The following NHSL3 variants were observed in gnomAD, a reference collection of about 807,000 sequenced individuals.
NHSL3 encodes NHS-like protein 3.
the NHSL3 span, among the ~76,000 whole-genome samples, chr1:32,755,717 A>G: frequency 6.6e-6 from 1 of 152,202 alleles, no homozygotes; most frequent in Admixed American, 6.5e-5. Context: ...CAAAATGACA[A>G]TAAGAAAAGG....
chr1:32,746,234 A>AG, the NHSL3 span, among the ~76,000 whole-genome samples: 1 of 78,112 alleles, frequency 1.3e-5, no homozygotes, highest in Non-Finnish European at 2.5e-5. Context: ...CCAGCTCAAA[A>AG]AAAAAAAAAA....
chr1:32,744,696 T>C, the NHSL3 span, among the ~76,000 whole-genome samples: 1 of 152,188 alleles, frequency 6.6e-6, no homozygotes, highest in South Asian at 2.1e-4. Context: ...TGATGTAGGA[T>C]GAGCAACTTC....
At chr1:32,768,322 G>A in the NHSL3 span, among the ~76,000 whole-genome samples, 1 of 152,138 alleles carries the variant, frequency 6.6e-6, no homozygotes, top group African/African-American at 2.4e-5. Flanking sequence ...GGCTGGGCGA[G>A]GTGGCTTACA....
At chr1:32,760,588 G>GTT in the NHSL3 span, among the ~76,000 whole-genome samples, 28 of 138,712 alleles carry the variant, frequency 2.0e-4, no homozygotes, top group South Asian at 1.6e-3. Context: ...GTGTGTGTGT[G>GTT]TTTTTTTTTT....
chr1:32,773,143 T>C, the NHSL3 span: 1 of 550,316 alleles, frequency 1.8e-6, no homozygotes. Flanking sequence ...AGCCTCATCT[T>C]GAAGTGGGTA....
At chr1:32,770,350 C>G in the NHSL3 span, 2 of 1,610,900 alleles carry the variant, frequency 1.2e-6, no homozygotes, top group African/African-American at 1.3e-5. The surrounding 1 kb of genome is among the most constrained non-coding windows in gnomAD (Gnocchi z 8.3). Context: ...AGCCTCAGTC[C>G]GCTCGCTGGG....
At chr1:32,748,862 T>C in the NHSL3 span, among the ~76,000 whole-genome samples, 1 of 151,848 alleles carries the variant, frequency 6.6e-6, no homozygotes, top group Non-Finnish European at 1.5e-5. Context: ...AAATAAAGAG[T>C]GTGACAGGGT....
the NHSL3 span, chr1:32,765,608 T>G: frequency 1.3e-6 from 2 of 1,511,704 alleles, no homozygotes; most frequent in East Asian, 2.5e-5. Context: ...GAGGAGGACA[T>G]GGAGAGCAGC....
the NHSL3 span, among the ~76,000 whole-genome samples, chr1:32,745,474 C>T: frequency 1.2e-4 from 18 of 150,104 alleles, no homozygotes; most frequent in Non-Finnish European, 2.7e-4. Flanking sequence ...AGGAGAATCG[C>T]TTGAACCCGG....
chr1:32,743,003 G>A, the NHSL3 span, among the ~76,000 whole-genome samples: 1 of 152,250 alleles, frequency 6.6e-6, no homozygotes, highest in African/African-American at 2.4e-5. Context: ...CCTCTGGCCT[G>A]GACGGGCAGC....
chr1:32,754,083 A>G, the NHSL3 span: 1 of 659,440 alleles, frequency 1.5e-6, no homozygotes, highest in Non-Finnish European at 2.8e-6. Context: ...CGGCTCCCGC[A>G]CCCGCAATGG....
the NHSL3 span, among the ~76,000 whole-genome samples, chr1:32,754,556 C>T: frequency 6.6e-6 from 1 of 152,154 alleles, no homozygotes; most frequent in Non-Finnish European, 1.5e-5. Context: ...ACTACACCCA[C>T]GCGCAGATCC....
chr1:32,746,244 A>AAAAAAG, the NHSL3 span, among the ~76,000 whole-genome samples: 2 of 142,648 alleles, frequency 1.4e-5, no homozygotes, highest in African/African-American at 2.6e-5. Context: ...AAAAAAAAAA[A>AAAAAAG]AAACAAAAAA....
the NHSL3 span, chr1:32,768,886 C>T: frequency 1.4e-5 from 18 of 1,320,966 alleles, no homozygotes; most frequent in African/African-American, 4.4e-5. Context: ...TCAATGAATT[C>T]GGGAAACACA....
the NHSL3 span, chr1:32,770,986 G>C: frequency 6.7e-6 from 10 of 1,488,874 alleles, no homozygotes; most frequent in South Asian, 1.1e-4. This position sits in a 1 kb window ranked among gnomAD's most constrained non-coding sequence, Gnocchi z 8.3. Context: ...AGGTCCCCCT[G>C]CTTCCCCAGG....
chr1:32,766,643 T>C, the NHSL3 span, among the ~76,000 whole-genome samples: 1 of 152,234 alleles, frequency 6.6e-6, no homozygotes, highest in African/African-American at 2.4e-5. Flanking sequence ...GGCAGGTTTC[T>C]GAACTGAAGA....
chr1:32,752,849 G>C, the NHSL3 span, among the ~76,000 whole-genome samples: 1 of 148,836 alleles, frequency 6.7e-6, no homozygotes, highest in Admixed American at 6.7e-5. Flanking sequence ...AAAATGCTGG[G>C]ATTACAGGTG....
At chr1:32,769,665 G>GC in the NHSL3 span, 1 of 1,606,844 alleles carries the variant, frequency 6.2e-7, no homozygotes, top group African/African-American at 1.3e-5. Context: ...CCCACGACTG[G>GC]CCCCCAGGCT....
the NHSL3 span, chr1:32,768,170 G>T: frequency 8.3e-7 from 1 of 1,208,370 alleles, no homozygotes; most frequent in South Asian, 1.2e-5. Context: ...CTTGACCCCT[G>T]GCAAGGATGT....
Sources: allele counts gnomAD v4.1 joint callset (sites outside exome capture counted in the v4.1 genomes callset), GRCh38; gene constraint gnomAD v4.1.1; non-coding constraint Gnocchi (gnomAD v3.1); transcripts MANE v1.5; gene names NCBI Gene and HGNC (gene_info 2026-07-23, HGNC 2026-07-21).